Variants in FBXO41 observed in about 807,000 individuals in gnomAD.
FBXO41 encodes the protein F-box protein 41.
A neutral mutation model predicts 81.6 loss-of-function variants in FBXO41; 33 were observed. The observed-to-expected ratio is 0.40, with a 90% CI of 0.31 to 0.54. The LOEUF is 0.54. Ranked by LOEUF, FBXO41 falls within the 20% of genes least tolerant of loss-of-function variation. The probability of loss-of-function intolerance (pLI) is 0.39; values close to 1 mark genes in which losing one functional copy is unlikely to be tolerated. For missense variants in FBXO41, 1,107 were observed against 1,236.0 expected (o/e 0.90, Z 1.56); for synonymous variants, 576 against 552.7 (o/e 1.04, Z -0.59).
At position 73,265,286 on chromosome 2, in the gene FBXO41, G is replaced by A. The variant is rs570779220; in HGVS notation, c.1560C>T (p.Leu520=). ...GCCCAGCCTTCCGGGACCTACCTGA[G>A]AGCCGGCAGCTGCTCAATGGCCCAG... ...AMAGPLSSCR[L]SARPEGGSGR... The change falls in exon 5 of 13, where the codon CTC becomes CTT. Residue 520 remains leucine (L), a synonymous_variant. Transcript: ENST00000520530. The A allele has an allele frequency of 1.9e-6, 3 of 1,601,928 alleles. No individual in the cohort carries two copies. Among genetic ancestry groups the A allele is most frequent in the Non-Finnish European group, 2.6e-6 (3 of 1,175,622 alleles).
At chr2:73,267,151 G>A (rs867874641) in intron 2 of FBXO41, among the ~76,000 whole-genome samples, 17 of 152,100 alleles carry the variant, frequency 1.1e-4, no homozygotes, top group Middle Eastern at 6.8e-3. Flanking sequence ...CACACACTTA[G>A]AGCCACCAGC....
Position 73,281,942 on chromosome 2 carries a change from G to A in FBXO41, c.-139+2218C>T, listed in dbSNP as rs1206687985. The stretch of plus-strand genomic sequence containing the variant: ...CATTGTGTTCCTTCTGATTGAGAGT[G>A]GAACATCATACTAACAGTGTAATAC... On this transcript the variant is annotated intron_variant, in intron 1 of 12. Transcript: ENST00000520530. Among the ~76,000 whole-genome samples, 5 of 152,218 alleles carry A rather than the reference G, an allele frequency of 3.3e-5. No individual in the cohort carries two copies. The East Asian group carries it at 9.6e-4, about 29-fold the overall frequency.
chr2:73,265,506 G>T lies in FBXO41; in HGVS notation c.1340C>A (p.Ala447Asp). The T allele has an allele frequency of 6.3e-7, 1 of 1,596,188 alleles. No individual in the cohort carries two copies. The highest frequency in any genetic ancestry group is 8.5e-7 in the Non-Finnish European group (1 of 1,174,228). Residue 447 changes from alanine (A) to aspartate (D), a missense_variant, in exon 5 of 13, where the codon GCC becomes GAC. Around this residue, in one of 2 missense-constraint regions of FBXO41, gnomAD observed 771 missense variants for 789.2 expected, o/e 0.98. Coordinates refer to ENST00000520530, the MANE Select transcript of FBXO41 (RefSeq NM_001371389.2). ...PGGLGTRAQA[A>D]NGGSERSQPP... ...CTGGGACCGCTCTGAGCCCCCGTTG[G>T]CAGCCTGGGCCCGTGTGCCCAAGCC...
chr2:73,269,545 A>G lies in FBXO41; in HGVS notation c.86T>C (p.Leu29Pro). ...FRSLSSLRAH[L>P]EYSHTYETLY... Reference sequence around the variant, plus strand: ...CGTCTCGTAGGTGTGGCTGTACTCCAGGTGCGCGCGCAGCGACGACAGGCT... The same window carrying G: ...CGTCTCGTAGGTGTGGCTGTACTCCGGGTGCGCGCGCAGCGACGACAGGCT... Residue 29 changes from leucine (L) to proline (P), a missense_variant, in exon 2 of 13, where the codon CTG (leucine) becomes CCG (proline). Coordinates refer to ENST00000520530, the MANE Select transcript of FBXO41 (RefSeq NM_001371389.2). The surrounding 1 kb of genome is among the most constrained non-coding windows in gnomAD (Gnocchi z 7.0). 1 of 1,362,660 alleles carries G rather than the reference A, an allele frequency of 7.3e-7. No individual in the cohort carries two copies. The highest frequency in any genetic ancestry group is 3.7e-5 in the East Asian group (1 of 26,752). The allele number at this position is 1,362,660 out of a possible 1,614,324, so 84.4% of individuals were successfully genotyped here.
chr2:73,264,667 C>T (rs899133435), intron 5 of FBXO41, 148 bp from the exon 6 acceptor site: 1 of 1,181,762 alleles, frequency 8.5e-7, no homozygotes, highest in Non-Finnish European at 1.2e-6. Flanking sequence ...GGGGCCTCTG[C>T]CTCCCTGTCC....
Position 73,255,720 on chromosome 2 carries a change from T to TA in FBXO41, c.*3261dup, listed in dbSNP as rs1418204198. 1.3e-5 allele frequency: 2 copies of TA among 152,526 alleles called. No homozygotes were observed. Among genetic ancestry groups the TA allele is most frequent in the African/African-American group, 4.8e-5 (2 of 41,388 alleles). 9.4% of individuals were successfully genotyped at this position (152,526 alleles called of 1,614,324 possible). On this transcript the variant is annotated 3_prime_UTR_variant, in exon 13 of 13. Coordinates refer to ENST00000520530, the MANE Select transcript of FBXO41 (RefSeq NM_001371389.2). The stretch of plus-strand genomic sequence containing the variant: ...GACTCCCCACTGGTGGCCCCAAAGA[T>TA]AAGAGACCAGGAGTGGGGAAATAGG...
chr2:73,266,594 G>A lies in FBXO41; in HGVS notation c.994C>T (p.Leu332Phe). The A allele has an allele frequency of 6.2e-7, 1 of 1,611,430 alleles. No homozygotes were observed. The highest frequency in any genetic ancestry group is 8.5e-7 in the Non-Finnish European group (1 of 1,179,126). The stretch of plus-strand genomic sequence containing the variant: ...TCGGCACGGTCAGCCCGCTCAAGGA[G>A]CTCCTCAATGAACTGCTGCAGCCGC... ...KLRLQQFIEELLERADRAERQ... is the reference protein window; with the variant it reads ...KLRLQQFIEEFLERADRAERQ... The change falls in exon 3 of 13, where the codon CTC (leucine) becomes TTC (phenylalanine). Residue 332 changes from leucine to phenylalanine, a missense_variant. Physicochemically the swap from Leu to Phe is conservative, Grantham distance 22. Transcript: ENST00000520530. This position sits in a 1 kb window ranked among gnomAD's most constrained non-coding sequence, Gnocchi z 5.3.
In FBXO41 at chr2:73,264,514, G is replaced by A. The variant is rs768696788; in HGVS notation, c.1570C>T (p.Pro524Ser). The change falls in exon 6 of 13, where the codon CCC becomes TCC. Residue 524 changes from proline (P) to serine (S), a missense_variant. By Grantham distance (74) the Pro-to-Ser change is moderately conservative. Transcript: ENST00000520530. ...CGACCCCGCCCACTGCCTCCCTCGG[G>A]GCGGGCTGCAGAATACCAGGGGTTC... ...PLSSCRLSAR[P>S]EGGSGRGRRA... The A allele has an allele frequency of 1.2e-6, 2 of 1,613,522 alleles. No homozygotes were observed. The highest frequency in any genetic ancestry group is 4.5e-5 in the East Asian group (2 of 44,874).
In FBXO41 at chr2:73,265,405, CCT is replaced by C; in HGVS notation, c.1439_1440del (p.Glu480GlyfsTer5). 1.2e-6 allele frequency: 2 copies of C among 1,610,852 alleles called. No homozygotes were observed. Among genetic ancestry groups the C allele is most frequent in the Non-Finnish European group, 1.7e-6 (2 of 1,179,736 alleles). On this transcript the variant is annotated frameshift_variant, in exon 5 of 13. Transcript: ENST00000520530. LOFTEE classifies it high-confidence loss of function. ...WQRRPRRHST[E>X]GEEGDVSDVG... ...ACGTCGGAGACATCACCCTCTTCCC[CCT>C]CAGTGCTGTGTCGGCGGGGTCTGCG...
intron 9 of FBXO41, among the ~76,000 whole-genome samples, chr2:73,262,427 C>T (rs546791431): frequency 6.6e-6 from 1 of 152,266 alleles, no homozygotes; most frequent in South Asian, 2.1e-4. Context: ...GTTAGAGGAA[C>T]TCCAAACAGA....
rs1349279499 is a variant in FBXO41, at chr2:73,269,478, G to A, written c.153C>T (p.Ala51=). Residue 51 remains alanine, a synonymous_variant, in exon 2 of 13, where the codon GCC becomes GCT. Transcript: ENST00000520530. This position sits in a 1 kb window ranked among gnomAD's most constrained non-coding sequence, Gnocchi z 7.0. ...LSKTNSICDG[A]AAAAAAAAAA... ...CGGCGGCGGCGGCCGCGGCGGCGGC[G>A]GCGCCGTCGCAGATGCTGTTGGTCT... 7.0e-6 allele frequency: 9 copies of A among 1,282,176 alleles called. No homozygotes were observed. The highest frequency in any genetic ancestry group is 3.2e-5 in the African/African-American group (2 of 63,206). The allele number at this position is 1,282,176 out of a possible 1,614,324, so 79.4% of individuals were successfully genotyped here.
chr2:73,273,503 T>C (rs542462832), intron 1 of FBXO41, among the ~76,000 whole-genome samples: 9 of 152,264 alleles, frequency 5.9e-5, no homozygotes, highest in Non-Finnish European at 1.2e-4. Context: ...CAGCTTCCAT[T>C]GGCTCCCAGG....
In FBXO41 at chr2:73,265,952, C is replaced by T; in HGVS notation, c.1146G>A (p.Val382=). The part of the protein sequence containing the change: ...RGPGRMREHH[V]GPAVPNTYAV... ...CATATGTGTTAGGCACGGCCGGGCC[C>T]ACGTGGTGTTCTCGCTGTGGGCCCC... The change falls in exon 4 of 13, where the codon GTG becomes GTA. Residue 382 remains valine, a synonymous_variant. Transcript: ENST00000520530. The T allele has an allele frequency of 1.9e-6, 3 of 1,576,906 alleles. No homozygotes were observed. The highest frequency in any genetic ancestry group is 4.6e-5 in the East Asian group (2 of 43,080).
chr2:73,282,446 C>G (rs2103922610), intron 1 of FBXO41, among the ~76,000 whole-genome samples: 1 of 152,278 alleles, frequency 6.6e-6, no homozygotes, highest in South Asian at 2.1e-4. Flanking sequence ...TGCACAGTGG[C>G]TATAATCCCA....
At chr2:73,261,357 C>T (rs889220777) in intron 9 of FBXO41, among the ~76,000 whole-genome samples, 1 of 152,154 alleles carries the variant, frequency 6.6e-6, no homozygotes, top group Non-Finnish European at 1.5e-5. Context: ...TGCGCCCGGC[C>T]TTAAGTACTC....
chr2:73,270,058 A>C (rs1030272713), intron 1 of FBXO41, among the ~76,000 whole-genome samples: 1 of 152,218 alleles, frequency 6.6e-6, no homozygotes, highest in Non-Finnish European at 1.5e-5. Flanking sequence ...AGAACGGTTA[A>C]ACTGTAGCAT....
intron 1 of FBXO41, among the ~76,000 whole-genome samples, chr2:73,273,816 A>C (rs535512505): frequency 1.3e-5 from 2 of 152,166 alleles, no homozygotes; most frequent in Non-Finnish European, 2.9e-5. Flanking sequence ...GTCTCTAGTA[A>C]TGAGACTCCA....
At chr2:73,282,166 G>A (rs1412825497) in intron 1 of FBXO41, among the ~76,000 whole-genome samples, 2 of 152,126 alleles carry the variant, frequency 1.3e-5, no homozygotes, top group African/African-American at 2.4e-5. Context: ...GCTAGTTTTT[G>A]TATTTTTAGT....
chr2:73,274,389 A>G (rs1688626132), intron 1 of FBXO41, among the ~76,000 whole-genome samples: 2 of 152,186 alleles, frequency 1.3e-5, no homozygotes, highest in African/African-American at 4.8e-5. Flanking sequence ...AGCTTTTAAT[A>G]TTATTGATCC....
Sources: gnomAD v4.1 joint callset for allele counts (sites outside exome capture counted in the v4.1 genomes callset) on GRCh38, gnomAD v4.1.1 for gene constraint, gnomAD v4.1.1 regional missense constraint, Gnocchi (gnomAD v3.1) non-coding constraint, MANE v1.5 for transcripts, NCBI Gene and HGNC (gene_info 2026-07-23, HGNC 2026-07-21) for gene names.